The following DPP10 variants were observed in gnomAD, a reference collection of about 807,000 sequenced individuals.
DPP10 encodes dipeptidyl peptidase like 10.
A neutral mutation model predicts 120.9 loss-of-function variants in DPP10; 33 were observed. That is an observed-to-expected ratio of 0.27 (90% confidence interval 0.21 to 0.37). The LOEUF (loss-of-function observed/expected upper bound fraction) is 0.37, where lower values mean the gene tolerates loss of function less well. Among genes scored for constraint, DPP10 ranks in the 10% least tolerant of loss-of-function variants. DPP10 has a pLI of 1.00. For missense variants in DPP10, 816 were observed against 942.8 expected, an observed-to-expected ratio of 0.87 and a Z score of 1.76; for synonymous variants, 337 against 326.1, an observed-to-expected ratio of 1.03 and a Z score of -0.36.
chr2:115,270,131 C>CTTAT (rs2059636254), intron 1 of DPP10, among the ~76,000 whole-genome samples: 2 of 149,804 alleles, frequency 1.3e-5, no homozygotes, highest in Admixed American at 1.3e-4. Flanking sequence ...CACACAAACA[C>CTTAT]TTATTTATGC....
chr2:114,548,118 G>GAAT, intron 1 of DPP10, among the ~76,000 whole-genome samples: 1 of 152,144 alleles, frequency 6.6e-6, no homozygotes, highest in Non-Finnish European at 1.5e-5. Context: ...TAGCAGGGTT[G>GAAT]CTTTGAAGAT....
intron 1 of DPP10, among the ~76,000 whole-genome samples, chr2:114,475,842 C>A (rs1680328406): frequency 6.6e-6 from 1 of 152,180 alleles, no homozygotes; most frequent in Non-Finnish European, 1.5e-5. Flanking sequence ...TCAATAGGAA[C>A]TCTCTTTCCT....
At chr2:115,356,934 A>G (rs2064432785) in intron 3 of DPP10, among the ~76,000 whole-genome samples, 1 of 151,528 alleles carries the variant, frequency 6.6e-6, no homozygotes. Context: ...TTATTTGAGA[A>G]CTCTCCTAAC....
intron 1 of DPP10, among the ~76,000 whole-genome samples, chr2:114,753,654 A>G (rs1438265694): frequency 6.6e-6 from 1 of 152,160 alleles, no homozygotes; most frequent in African/African-American, 2.4e-5. Context: ...TCACGCCTGT[A>G]ATCCCAGCAC....
chr2:115,004,391 C>A (rs773411844), intron 1 of DPP10, among the ~76,000 whole-genome samples: 1 of 152,192 alleles, frequency 6.6e-6, no homozygotes, highest in African/African-American at 2.4e-5. Context: ...GGAACAGCTC[C>A]GGTCTACAGC....
chr2:114,758,849 A>T (rs1680028633), intron 1 of DPP10, among the ~76,000 whole-genome samples: 1 of 152,240 alleles, frequency 6.6e-6, no homozygotes, highest in Non-Finnish European at 1.5e-5. Context: ...ATAAGGTTTC[A>T]TCGTGAAATT....
chr2:115,120,189 C>T (rs11902365), intron 1 of DPP10, among the ~76,000 whole-genome samples: 51,502 of 152,070 alleles, frequency 0.34, 9,796 homozygotes, highest in Non-Finnish European at 0.42. Context: ...GAGTTGGCTA[C>T]AGGCCAAGGA....
chr2:115,719,210 A>T (rs1026559466), intron 7 of DPP10, among the ~76,000 whole-genome samples: 8 of 152,218 alleles, frequency 5.3e-5, no homozygotes, highest in Non-Finnish European at 1.0e-4. Context: ...AAAAGCGTGG[A>T]TTAAAAGATA....
intron 1 of DPP10, chr2:115,162,093 C>T: frequency 4.0e-6 from 6 of 1,499,308 alleles, no homozygotes; most frequent in Non-Finnish European, 5.3e-6. Flanking sequence ...GCTCCGCCCG[C>T]CTCCCGCTTC....
At chr2:114,822,482 T>TC (rs1050531804) in intron 1 of DPP10, among the ~76,000 whole-genome samples, 2 of 152,278 alleles carry the variant, frequency 1.3e-5, no homozygotes, top group African/African-American at 4.8e-5. Flanking sequence ...GAAGACATTT[T>TC]CCCCGTTGTC....
At chr2:115,578,496 G>A (rs1335321569) in intron 5 of DPP10, among the ~76,000 whole-genome samples, 1 of 151,736 alleles carries the variant, frequency 6.6e-6, no homozygotes, top group Non-Finnish European at 1.5e-5. Flanking sequence ...CACAGAAACT[G>A]TACTGAATAT....
chr2:115,386,506 A>T (rs2066943129), intron 3 of DPP10, among the ~76,000 whole-genome samples: 1 of 152,114 alleles, frequency 6.6e-6, no homozygotes. Context: ...AAAGAAAAGG[A>T]TTTTGAGCTT....
chr2:115,252,620 C>T (rs1011498718), intron 1 of DPP10, among the ~76,000 whole-genome samples: 4 of 152,216 alleles, frequency 2.6e-5, no homozygotes, highest in East Asian at 1.9e-4. Flanking sequence ...TCTATAGGAG[C>T]GGAAATCTAA....
At chr2:114,772,445 C>T (rs1371426401) in intron 1 of DPP10, among the ~76,000 whole-genome samples, 1 of 150,870 alleles carries the variant, frequency 6.6e-6, no homozygotes, top group African/African-American at 2.5e-5. Flanking sequence ...AGGTGTGAGC[C>T]ACCGCACCCA....
intron 1 of DPP10, among the ~76,000 whole-genome samples, chr2:114,684,237 A>G (rs1195566227): frequency 2.0e-5 from 3 of 151,902 alleles, no homozygotes; most frequent in African/African-American, 7.2e-5. Context: ...TGTGAGTTCC[A>G]TACAGAGATC....
intron 3 of DPP10, among the ~76,000 whole-genome samples, chr2:115,381,810 C>G (rs1028509185): frequency 6.6e-6 from 1 of 151,130 alleles, no homozygotes; most frequent in Non-Finnish European, 1.5e-5. Context: ...GAGTACCCGG[C>G]CCTGTGAAGT....
At chr2:114,905,245 G>A (rs1266408201) in intron 1 of DPP10, among the ~76,000 whole-genome samples, 3 of 151,526 alleles carry the variant, frequency 2.0e-5, no homozygotes, top group Non-Finnish European at 2.9e-5. Context: ...GGATTGTGTT[G>A]AGTAGACAAA....
intron 3 of DPP10, among the ~76,000 whole-genome samples, chr2:115,457,746 C>T (rs1029505068): frequency 2.6e-5 from 4 of 152,052 alleles, no homozygotes; most frequent in Non-Finnish European, 5.9e-5. Context: ...GGGGAGACAA[C>T]GTGACAGTTT....
chr2:115,242,657 T>A (rs1370049307), intron 1 of DPP10, among the ~76,000 whole-genome samples: 1 of 150,444 alleles, frequency 6.6e-6, no homozygotes, highest in Non-Finnish European at 1.5e-5. Flanking sequence ...TTTCACCACA[T>A]CCATGCCAAC....
Sources: allele counts gnomAD v4.1 joint callset (sites outside exome capture counted in the v4.1 genomes callset), GRCh38; gene constraint gnomAD v4.1.1; transcripts MANE v1.5; gene names NCBI Gene and HGNC (gene_info 2026-07-23, HGNC 2026-07-21).